The following AFF2 variants were observed in gnomAD, a reference collection of about 807,000 sequenced individuals.
The protein encoded by AFF2 is ALF transcription elongation factor 2, also known as AF4/FMR2 family member 2.
A neutral mutation model predicts 76.9 loss-of-function variants in AFF2; 14 were observed. The ratio of observed to expected loss-of-function variants is 0.18; its 90% CI spans 0.12 to 0.28. The LOEUF is 0.28. AFF2 is among the 10% of genes least tolerant of loss of function. AFF2 has a pLI of 1.00. For synonymous variants in AFF2, 398 were observed against 366.7 expected, an observed-to-expected ratio of 1.09 and a Z score of -0.98; for missense variants, 868 against 1,001.1, an observed-to-expected ratio of 0.87 and a Z score of 1.79.
At chrX:148,600,731 A>G (rs1673447714) in intron 1 of AFF2, among the ~76,000 whole-genome samples, 1 of 112,175 alleles carries the variant, frequency 8.9e-6, no homozygotes, top group African/African-American at 3.2e-5. Context: ...TACTGTTCTT[A>G]GGAGTTCACC....
At chrX:148,842,941 G>A (rs2070618065) in intron 5 of AFF2, 25 bp from the exon 6 acceptor site, 1 of 1,145,906 alleles carries the variant, frequency 8.7e-7, no homozygotes, top group Non-Finnish European at 1.2e-6. Flanking sequence ...ACTAATGTTT[G>A]TGTCATATAT....
At chrX:148,861,082 C>T (rs934384220) in intron 7 of AFF2, among the ~76,000 whole-genome samples, 4 of 111,637 alleles carry the variant, frequency 3.6e-5, no homozygotes, top group Non-Finnish European at 5.7e-5. Flanking sequence ...GGCCACCAAG[C>T]AGGTCAGTGG....
intron 3 of AFF2, among the ~76,000 whole-genome samples, chrX:148,741,387 G>A (rs1337930630): frequency 9.1e-6 from 1 of 110,236 alleles, no homozygotes; most frequent in Non-Finnish European, 1.9e-5. Context: ...GGCTGCCTCT[G>A]CTGAGTCTTG....
intron 1 of AFF2, among the ~76,000 whole-genome samples, chrX:148,617,155 C>T (rs1397807968): frequency 4.5e-5 from 5 of 111,507 alleles, no homozygotes; most frequent in Non-Finnish European, 7.5e-5. Context: ...CCACACTGAC[C>T]TCCACAATGG....
chrX:148,534,266 C>G (rs1000572980), intron 1 of AFF2, among the ~76,000 whole-genome samples: 1 of 112,236 alleles, frequency 8.9e-6, no homozygotes, highest in African/African-American at 3.2e-5. Flanking sequence ...TCTGAAGACC[C>G]CTGCCTAGGA....
At chrX:148,512,361 A>G (rs1344022022) in intron 1 of AFF2, among the ~76,000 whole-genome samples, 1 of 112,046 alleles carries the variant, frequency 8.9e-6, no homozygotes, top group Non-Finnish European at 1.9e-5. Flanking sequence ...GATTAGCATC[A>G]TACTTAGAAA....
At chrX:148,887,943 A>C (rs921298963) in intron 8 of AFF2, among the ~76,000 whole-genome samples, 1 of 112,813 alleles carries the variant, frequency 8.9e-6, no homozygotes, top group Non-Finnish European at 1.9e-5. Flanking sequence ...TGGCAGCAGT[A>C]ATACTAGCAA....
chrX:148,795,010 C>T (rs2069949185), intron 3 of AFF2, among the ~76,000 whole-genome samples: 1 of 112,005 alleles, frequency 8.9e-6, no homozygotes. Flanking sequence ...AAATGAAACT[C>T]ATTTTATCTT....
At chrX:148,921,214 T>A (rs782808565) in intron 9 of AFF2, among the ~76,000 whole-genome samples, 1 of 112,356 alleles carries the variant, frequency 8.9e-6, no homozygotes, top group African/African-American at 3.2e-5. Context: ...ATGGTAGACA[T>A]ATAAAGTGGG....
intron 19 of AFF2, among the ~76,000 whole-genome samples, chrX:148,985,335 T>C (rs2072458052): frequency 2.4e-5 from 2 of 82,965 alleles, no homozygotes; most frequent in Non-Finnish European, 4.5e-5. Flanking sequence ...ACAGCCTTGC[T>C]CTGACTCCCA....
chrX:148,656,792 G>A (rs903650314), intron 2 of AFF2, among the ~76,000 whole-genome samples: 3 of 111,262 alleles, frequency 2.7e-5, no homozygotes, highest in Non-Finnish European at 3.8e-5. Context: ...GAGCCACCGC[G>A]CCCGGCCGAG....
At chrX:148,936,029 A>C (rs1385690739) in intron 9 of AFF2, among the ~76,000 whole-genome samples, 2 of 111,519 alleles carry the variant, frequency 1.8e-5, no homozygotes, top group Admixed American at 1.9e-4. Context: ...ATTCCATTAA[A>C]TATGTACTTT....
In AFF2 at chrX:148,679,824, C is replaced by T. The variant is rs181984870; in HGVS notation, c.1041+17056C>T. 1.9e-4 allele frequency among the ~76,000 whole-genome samples: 21 copies of T among 111,979 alleles called. No homozygotes were observed. The East Asian group carries it at 4.2e-3, about 22-fold the overall frequency. ...ACAGCACAGGCCACTTTTTCTTATT[C>T]TCTTTCTTCTGAAAGTAAGTCATTA... On this transcript the variant is annotated intron_variant, in intron 3 of 20. Coordinates refer to ENST00000370460, the MANE Select transcript of AFF2 (RefSeq NM_002025.4).
At chrX:148,595,296 C>T (rs146118307) in intron 1 of AFF2, among the ~76,000 whole-genome samples, 2,402 of 111,582 alleles carry the variant, frequency 0.022, 34 homozygotes, top group Middle Eastern at 0.084. Flanking sequence ...TCTCAGTAAC[C>T]TACAGAGGAT....
At chrX:148,728,054 C>T (rs1199502532) in intron 3 of AFF2, among the ~76,000 whole-genome samples, 4 of 112,204 alleles carry the variant, frequency 3.6e-5, no homozygotes, top group East Asian at 5.6e-4. Context: ...AACACTATTC[C>T]GAGACACTAA....
chrX:148,760,491 C>T (rs1239655469), intron 3 of AFF2, among the ~76,000 whole-genome samples: 1 of 112,419 alleles, frequency 8.9e-6, no homozygotes, highest in Admixed American at 9.4e-5. Context: ...TCAGTGGCTC[C>T]TCAGGAAGAA....
intron 12 of AFF2, among the ~76,000 whole-genome samples, chrX:148,961,948 T>C (rs2072113724): frequency 8.9e-6 from 1 of 112,883 alleles, no homozygotes; most frequent in Admixed American, 9.4e-5. Context: ...TCAGTTGTTC[T>C]GTTTCATTTG....
chrX:148,910,195 G>A (rs190917150), intron 9 of AFF2, among the ~76,000 whole-genome samples: 16 of 112,660 alleles, frequency 1.4e-4, no homozygotes, highest in East Asian at 5.6e-4. Context: ...TCCACTCTGC[G>A]TAGGAAATTA....
chrX:148,596,865 A>G (rs1316856038), intron 1 of AFF2, among the ~76,000 whole-genome samples: 1 of 112,262 alleles, frequency 8.9e-6, no homozygotes, highest in East Asian at 2.8e-4. Context: ...AGTATTGACT[A>G]ACTCCTCAGG....
Sources: gnomAD v4.1 joint callset for allele counts (sites outside exome capture counted in the v4.1 genomes callset) on GRCh38, gnomAD v4.1.1 for gene constraint, MANE v1.5 for transcripts, NCBI Gene and HGNC (gene_info 2026-07-23, HGNC 2026-07-21) for gene names.